The following MYO1B variants were observed in gnomAD, a reference collection of about 807,000 sequenced individuals.
MYO1B encodes the protein myosin IB.
A neutral mutation model predicts 159.7 loss-of-function variants in MYO1B; 72 were observed. That is an observed-to-expected ratio of 0.45 (90% CI 0.37 to 0.55). The LOEUF is 0.55. MYO1B is among the 20% of genes least tolerant of loss of function. The pLI is 0.00. For missense variants in MYO1B, 1,062 were observed against 1,364.8 expected (o/e 0.78, Z 3.50); for synonymous variants, 468 against 473.8 (o/e 0.99, Z 0.16).
intron 1 of MYO1B, 198 bp downstream of exon 1, chr2:191,245,824 G>A (rs978214880): frequency 6.6e-6 from 1 of 152,198 alleles, no homozygotes; most frequent in African/African-American, 2.4e-5. Context: ...AGGTTGCGGA[G>A]GGTGGTCGTG....
chr2:191,406,201 G>C (rs1285243214), intron 24 of MYO1B, among the ~76,000 whole-genome samples: 1 of 152,212 alleles, frequency 6.6e-6, no homozygotes, highest in African/African-American at 2.4e-5. Context: ...TTAGGACATT[G>C]CTCTGGATTA....
At chr2:191,411,321 A>G in intron 27 of MYO1B, 149 bp downstream of exon 27, 3 of 555,488 alleles carry the variant, frequency 5.4e-6, no homozygotes, top group Non-Finnish European at 9.6e-6. Flanking sequence ...TGATGTAAAC[A>G]CATTTATTTG....
chr2:191,341,401 C>A lies in MYO1B; in HGVS notation c.347-60C>A. 11 of 1,444,746 alleles carry A rather than the reference C, an allele frequency of 7.6e-6. 1 individual carries two copies. The South Asian group carries it at 1.3e-4, about 18-fold the overall frequency. 89.5% of individuals were successfully genotyped at this position (1,444,746 alleles called of 1,614,324 possible). A position where few individuals can be genotyped will look rare whatever the true frequency, so the allele number is the denominator to read the frequency against. On this transcript the variant is annotated intron_variant, in intron 4 of 30. Coordinates refer to ENST00000392318, the MANE Select transcript of MYO1B (RefSeq NM_001130158.3). ...GGGTCTTCTCCCACATTTCCTCCTC[C>A]CCAAAAAGATTTTTTAAATTTCTGT... is the stretch of plus-strand genomic sequence containing the variant.
intron 3 of MYO1B, among the ~76,000 whole-genome samples, chr2:191,313,254 A>T (rs1559160862): frequency 9.4e-6 from 1 of 106,834 alleles, no homozygotes; most frequent in Non-Finnish European, 1.7e-5. Flanking sequence ...CTTGTTGCCC[A>T]GGCTGGAGTG....
At chr2:191,383,942 TG>T (rs1237492903) in intron 15 of MYO1B, among the ~76,000 whole-genome samples, 1 of 152,224 alleles carries the variant, frequency 6.6e-6, no homozygotes, top group Non-Finnish European at 1.5e-5. Flanking sequence ...CTGAATTAAG[TG>T]GGACCCCAGA....
chr2:191,306,323 A>T (rs1689649738), intron 3 of MYO1B, among the ~76,000 whole-genome samples: 1 of 152,154 alleles, frequency 6.6e-6, no homozygotes, highest in South Asian at 2.1e-4. Context: ...GGGGAGACAG[A>T]CCGAGCTAGA....
chr2:191,416,283 GC>G (rs776688642), intron 30 of MYO1B, 41 bp downstream of exon 30: 2 of 1,612,364 alleles, frequency 1.2e-6, no homozygotes, highest in Admixed American at 3.3e-5. Flanking sequence ...TTCTCTTTCA[GC>G]TTTTTTGTTT....
intron 5 of MYO1B, among the ~76,000 whole-genome samples, chr2:191,342,067 C>T (rs1451859826): frequency 2.0e-5 from 3 of 152,200 alleles, no homozygotes; most frequent in Non-Finnish European, 4.4e-5. Flanking sequence ...AGTACACAGA[C>T]TAGGTGGCTT....
intron 3 of MYO1B, among the ~76,000 whole-genome samples, chr2:191,304,126 C>G (rs947292730): frequency 7.9e-5 from 12 of 152,198 alleles, no homozygotes; most frequent in Non-Finnish European, 1.5e-4. Context: ...CTGCTGTTGA[C>G]TTGAAGCTTC....
At chr2:191,353,967 T>C (rs1344344121) in intron 7 of MYO1B, among the ~76,000 whole-genome samples, 1 of 152,118 alleles carries the variant, frequency 6.6e-6, no homozygotes, top group African/African-American at 2.4e-5. Context: ...TAAAATAGTG[T>C]CAAACATAGG....
intron 11 of MYO1B, among the ~76,000 whole-genome samples, chr2:191,365,780 A>G (rs1043208085): frequency 6.6e-6 from 1 of 152,220 alleles, no homozygotes; most frequent in Non-Finnish European, 1.5e-5. Context: ...TGGGGCACAT[A>G]TCAGAAGAAG....
At chr2:191,400,590 C>T in intron 22 of MYO1B, 122 bp downstream of exon 22, 6 of 1,365,188 alleles carry the variant, frequency 4.4e-6, no homozygotes, top group Non-Finnish European at 6.2e-6. Context: ...GTGTTTGCTT[C>T]TTGCTCTTTC....
intron 1 of MYO1B, chr2:191,246,201 T>G (rs928751208): frequency 5.3e-5 from 8 of 152,098 alleles, no homozygotes; most frequent in African/African-American, 7.3e-5. Context: ...GCCCTGGGTC[T>G]CGTTTCCTGC....
chr2:191,383,163 A>C lies in MYO1B; in HGVS notation c.1291-117A>C. On this transcript the variant is annotated intron_variant, in intron 14 of 30. Coordinates refer to ENST00000392318, the MANE Select transcript of MYO1B (RefSeq NM_001130158.3). The stretch of plus-strand genomic sequence containing the variant: ...GACATTTGCAGTACCCATTCTATAA[A>C]GAAAATAAATTCAGAGAGGAAGGGA... The C allele has an allele frequency of 1.2e-5, 7 of 593,918 alleles. No homozygotes were observed. In the South Asian group the frequency reaches 1.4e-4, roughly 12 times the overall value. The allele number at this position is 593,918 out of a possible 1,614,324, so 36.8% of individuals were successfully genotyped here. A position where few individuals can be genotyped will look rare whatever the true frequency, so the allele number is the denominator to read the frequency against.
chr2:191,344,829 C>CAAAAAAAAAAAA lies in MYO1B; in HGVS notation c.452-1396_452-1385dup, dbSNP rs10646926. Among the ~76,000 whole-genome samples, 5 of 56,156 alleles carry CAAAAAAAAAAAA rather than the reference C, an allele frequency of 8.9e-5. No individual in the cohort carries two copies. The East Asian group carries it at 2.5e-3, about 28-fold the overall frequency. 36.8% of individuals were successfully genotyped at this position (56,156 alleles called of 152,430 possible). A position where few individuals can be genotyped will look rare whatever the true frequency, so the allele number is the denominator to read the frequency against. On this transcript the variant is annotated intron_variant, in intron 5 of 30. Transcript: ENST00000392318. ...TGGGCGACAGAGCGAGACTCCGTCT[C>CAAAAAAAAAAAA]AAAAAAAAAAAAAAAAAAAAAAGAA...
chr2:191,376,829 T>C (rs956472465), intron 13 of MYO1B, among the ~76,000 whole-genome samples: 1 of 152,200 alleles, frequency 6.6e-6, no homozygotes, highest in African/African-American at 2.4e-5. Context: ...TTATTGTTTT[T>C]AAAGAGCCTA....
At chr2:191,322,070 A>G (rs981479919) in intron 3 of MYO1B, among the ~76,000 whole-genome samples, 2 of 152,206 alleles carry the variant, frequency 1.3e-5, no homozygotes, top group Non-Finnish European at 2.9e-5. Context: ...AGCCTGCAGT[A>G]GCAAGGGCAG....
At chr2:191,304,493 C>T (rs1276924661) in intron 3 of MYO1B, among the ~76,000 whole-genome samples, 1 of 152,092 alleles carries the variant, frequency 6.6e-6, no homozygotes, top group African/African-American at 2.4e-5. Context: ...TTGCTTGAAC[C>T]CAGGAGGCGG....
intron 9 of MYO1B, among the ~76,000 whole-genome samples, chr2:191,363,357 A>G (rs1693795586): frequency 6.6e-6 from 1 of 152,198 alleles, no homozygotes; most frequent in Non-Finnish European, 1.5e-5. Context: ...TCTGATATGT[A>G]AAATGAATGA....
Sources: gnomAD v4.1 joint callset for allele counts (sites outside exome capture counted in the v4.1 genomes callset) on GRCh38, gnomAD v4.1.1 for gene constraint, MANE v1.5 for transcripts, NCBI Gene and HGNC (gene_info 2026-07-23, HGNC 2026-07-21) for gene names.